ARHGEF3: variants seen among roughly 807,000 people sequenced by gnomAD.
The protein encoded by ARHGEF3 is Rho guanine nucleotide exchange factor 3.
ARHGEF3 carries 28 observed loss-of-function variants against 63.2 expected under a neutral mutation model. That is an observed-to-expected ratio of 0.44 (90% CI 0.33 to 0.61). ARHGEF3 has a LOEUF of 0.61. Among genes scored for constraint, ARHGEF3 ranks in the 20% least tolerant of loss-of-function variants. The pLI, the probability that ARHGEF3 is intolerant of heterozygous loss-of-function variation, is 0.03. For missense variants in ARHGEF3, 533 were observed against 659.3 expected (o/e 0.81, Z 2.10); for synonymous variants, 266 against 254.2 (o/e 1.05, Z -0.44).
intron 1 of ARHGEF3, chr3:57,073,556 G>C: frequency 7.3e-7 from 1 of 1,372,830 alleles, no homozygotes; most frequent in Non-Finnish European, 9.6e-7. Flanking sequence ...GATGATTGGT[G>C]GTGGGGTGTG....
intron 4 of ARHGEF3, among the ~76,000 whole-genome samples, chr3:56,845,284 C>A (rs1383442150): frequency 2.0e-5 from 3 of 152,178 alleles, no homozygotes; most frequent in African/African-American, 7.2e-5. Context: ...GAACTCCTGA[C>A]CCACAAAAAT....
intron 3 of ARHGEF3, among the ~76,000 whole-genome samples, chr3:56,918,517 G>A (rs1006045299): frequency 6.6e-6 from 1 of 152,246 alleles, no homozygotes; most frequent in Non-Finnish European, 1.5e-5. Context: ...AGGTAGCAGT[G>A]GAGCAGGGAG....
intron 2 of ARHGEF3, among the ~76,000 whole-genome samples, chr3:56,994,949 C>T (rs534053640): frequency 1.2e-4 from 18 of 152,150 alleles, no homozygotes; most frequent in Non-Finnish European, 1.9e-4. Context: ...AAGTGTGGCA[C>T]GTCCCCCCTC....
chr3:57,077,092 C>T (rs957549665), intron 1 of ARHGEF3, among the ~76,000 whole-genome samples: 1 of 152,124 alleles, frequency 6.6e-6, no homozygotes, highest in Non-Finnish European at 1.5e-5. Context: ...GAGGGAACAG[C>T]GTGTGCAAAG....
chr3:57,014,991 T>C (rs1390694331), intron 2 of ARHGEF3, among the ~76,000 whole-genome samples: 1 of 151,954 alleles, frequency 6.6e-6, no homozygotes, highest in Admixed American at 6.6e-5. Flanking sequence ...GGCCAAAGCT[T>C]GTTAACTTTT....
chr3:56,887,271 T>C (rs780055120), intron 3 of ARHGEF3, among the ~76,000 whole-genome samples: 6 of 152,158 alleles, frequency 3.9e-5, no homozygotes, highest in Non-Finnish European at 7.4e-5. Flanking sequence ...TAGCAACATG[T>C]GCTGGGGAAC....
chr3:56,944,707 G>A (rs1273254705), intron 3 of ARHGEF3, among the ~76,000 whole-genome samples: 3 of 149,512 alleles, frequency 2.0e-5, no homozygotes, highest in Non-Finnish European at 4.4e-5. Flanking sequence ...CTCCCAAGTA[G>A]CTGGGACGAC....
chr3:56,848,017 C>G (rs187205601), intron 4 of ARHGEF3, among the ~76,000 whole-genome samples: 1 of 152,128 alleles, frequency 6.6e-6, no homozygotes, highest in Non-Finnish European at 1.5e-5. Context: ...GGAGACATCA[C>G]GACTACAATA....
chr3:57,056,673 G>A (rs1704951862), intron 1 of ARHGEF3, among the ~76,000 whole-genome samples: 1 of 152,038 alleles, frequency 6.6e-6, no homozygotes, highest in East Asian at 1.9e-4. Context: ...ATCGGTTATC[G>A]TTTCTTTTTC....
At chr3:56,756,521 G>T (rs2035074043) in intron 2 of ARHGEF3, among the ~76,000 whole-genome samples, 1 of 146,208 alleles carries the variant, frequency 6.8e-6, no homozygotes, top group Admixed American at 6.8e-5. Context: ...TTCCTGGAAT[G>T]TGTTTCCATC....
At chr3:56,849,479 G>A (rs1465863100) in intron 4 of ARHGEF3, among the ~76,000 whole-genome samples, 1 of 152,030 alleles carries the variant, frequency 6.6e-6, no homozygotes, top group African/African-American at 2.4e-5. Context: ...GTAAAAATGG[G>A]AACAGTGATA....
At chr3:57,021,691 T>G (rs1301726691) in intron 2 of ARHGEF3, among the ~76,000 whole-genome samples, 2 of 150,962 alleles carry the variant, frequency 1.3e-5, no homozygotes, top group East Asian at 2.0e-4. Flanking sequence ...AGGCAGAGGT[T>G]GCAGTGAGCT....
chr3:56,910,603 T>C (rs1199431068), intron 3 of ARHGEF3, among the ~76,000 whole-genome samples: 1 of 151,908 alleles, frequency 6.6e-6, no homozygotes, highest in African/African-American at 2.4e-5. Context: ...TGTCTAAGTC[T>C]AAAAAATAAA....
At chr3:56,825,685 T>C (rs2038689244) in intron 4 of ARHGEF3, among the ~76,000 whole-genome samples, 1 of 152,196 alleles carries the variant, frequency 6.6e-6, no homozygotes, top group South Asian at 2.1e-4. Flanking sequence ...GTCCATCTAC[T>C]CTATTCAAGA....
intron 2 of ARHGEF3, among the ~76,000 whole-genome samples, chr3:57,025,547 A>C (rs1703437515): frequency 6.6e-6 from 1 of 152,170 alleles, no homozygotes; most frequent in Non-Finnish European, 1.5e-5. Context: ...GTATTTACAG[A>C]AGTAGGCAAA....
At chr3:57,007,805 T>C (rs1702526679) in intron 2 of ARHGEF3, among the ~76,000 whole-genome samples, 1 of 152,092 alleles carries the variant, frequency 6.6e-6, no homozygotes, top group Admixed American at 6.6e-5. Context: ...ACGAGCAGAG[T>C]GAGCAAGCAC....
chr3:57,034,575 G>A (rs1188927211), intron 2 of ARHGEF3, among the ~76,000 whole-genome samples: 1 of 151,776 alleles, frequency 6.6e-6, no homozygotes, highest in Admixed American at 6.6e-5. Context: ...TTCCTCCTCT[G>A]GCAGAGACGT....
chr3:57,073,821 C>G (rs1415325014), intron 1 of ARHGEF3: 1 of 1,614,236 alleles, frequency 6.2e-7, no homozygotes, highest in Non-Finnish European at 8.5e-7. Flanking sequence ...ATCCACCCAA[C>G]ATCCCAACAA....
intron 2 of ARHGEF3, among the ~76,000 whole-genome samples, chr3:56,763,397 T>G (rs1210448771): frequency 6.6e-6 from 1 of 152,154 alleles, no homozygotes; most frequent in African/African-American, 2.4e-5. Context: ...AAATGGCTCC[T>G]AGAGGGACTT....
Sources: gnomAD v4.1 joint callset for allele counts (sites outside exome capture counted in the v4.1 genomes callset) on GRCh38, gnomAD v4.1.1 for gene constraint, MANE v1.5 for transcripts, NCBI Gene and HGNC (gene_info 2026-07-23, HGNC 2026-07-21) for gene names.